PTK2: variants seen among roughly 807,000 people sequenced by gnomAD.
PTK2 encodes protein tyrosine kinase 2.
A neutral mutation model predicts 150.1 loss-of-function variants in PTK2; 45 were observed. The ratio of observed to expected loss-of-function variants is 0.30; its 90% CI spans 0.24 to 0.38. The LOEUF (loss-of-function observed/expected upper bound fraction) is 0.38, where lower values mean the gene tolerates loss of function less well. Among genes scored for constraint, PTK2 ranks in the 10% least tolerant of loss-of-function variants. PTK2 has a pLI of 1.00. For missense variants in PTK2, 919 were observed against 1,307.3 expected (o/e 0.70, Z 4.58); for synonymous variants, 432 against 449.2 (o/e 0.96, Z 0.48).
chr8:140,907,612 C>T (rs772688890), intron 2 of PTK2, among the ~76,000 whole-genome samples: 1 of 152,080 alleles, frequency 6.6e-6, no homozygotes, highest in African/African-American at 2.4e-5. Flanking sequence ...CTGCATCGAG[C>T]GAGTCTATGG....
chr8:140,934,085 C>T (rs2100172825), intron 1 of PTK2, among the ~76,000 whole-genome samples: 1 of 151,794 alleles, frequency 6.6e-6, no homozygotes, highest in Admixed American at 6.6e-5. Flanking sequence ...GAAAAAGAAA[C>T]ACAAATAAAT....
intron 5 of PTK2, among the ~76,000 whole-genome samples, chr8:140,856,357 A>G (rs887971178): frequency 7.0e-6 from 1 of 142,306 alleles, no homozygotes; most frequent in Admixed American, 7.7e-5. Context: ...AGTCATCTCA[A>G]TAATAGTAAA....
chr8:140,990,008 G>C (rs983924201), intron 1 of PTK2, among the ~76,000 whole-genome samples: 2 of 152,028 alleles, frequency 1.3e-5, no homozygotes, highest in African/African-American at 4.8e-5. Flanking sequence ...GGGTGCAGAG[G>C]GGAGACAGGT....
At chr8:140,805,056 CT>C (rs1169894353) in intron 10 of PTK2, among the ~76,000 whole-genome samples, 3 of 152,170 alleles carry the variant, frequency 2.0e-5, no homozygotes, top group Admixed American at 2.0e-4. Flanking sequence ...GTTATTCCCC[CT>C]AGTTCTGCCA....
chr8:140,734,293 G>C (rs1228698605), intron 22 of PTK2, among the ~76,000 whole-genome samples: 1 of 152,224 alleles, frequency 6.6e-6, no homozygotes, highest in Non-Finnish European at 1.5e-5. Flanking sequence ...CCATGGTATT[G>C]TTTATATAAT....
intron 1 of PTK2, among the ~76,000 whole-genome samples, chr8:140,947,585 T>G (rs2154609014): frequency 6.6e-6 from 1 of 152,264 alleles, no homozygotes; most frequent in South Asian, 2.1e-4. Flanking sequence ...GTAATGAGTT[T>G]TATTCCTGTG....
intron 26 of PTK2, among the ~76,000 whole-genome samples, chr8:140,693,564 T>TAAAAAAAAAAAAAAAAAAAAAAAA (rs377205785): frequency 1.4e-5 from 1 of 72,458 alleles, no homozygotes; most frequent in African/African-American, 6.0e-5. Context: ...TTGTCTCAAT[T>TAAAAAAAAAAAAAAAAAAAAAAAA]AAAAAAAAAA....
chr8:140,781,330 T>C (rs913460154), intron 14 of PTK2, among the ~76,000 whole-genome samples: 8 of 152,242 alleles, frequency 5.3e-5, no homozygotes, highest in Non-Finnish European at 1.2e-4. Flanking sequence ...TTATTAATTA[T>C]TGTTAATAAG....
intron 26 of PTK2, among the ~76,000 whole-genome samples, chr8:140,699,287 T>C (rs899009239): frequency 6.6e-6 from 1 of 152,146 alleles, no homozygotes; most frequent in Non-Finnish European, 1.5e-5. Flanking sequence ...CATAATACGA[T>C]TGAGGCAACT....
intron 27 of PTK2, among the ~76,000 whole-genome samples, chr8:140,683,930 C>A (rs1365306518): frequency 6.6e-6 from 1 of 152,134 alleles, no homozygotes; most frequent in Admixed American, 6.5e-5. Flanking sequence ...GCTGGAAGCA[C>A]TCCCCTGAAG....
At chr8:140,925,070 G>A (rs763676985) in intron 2 of PTK2, among the ~76,000 whole-genome samples, 7 of 151,986 alleles carry the variant, frequency 4.6e-5, no homozygotes, top group Admixed American at 2.0e-4. Context: ...GTCACCAAAA[G>A]CAGTTCACAA....
intron 1 of PTK2, among the ~76,000 whole-genome samples, chr8:140,962,206 CTG>C (rs942388060): frequency 8.1e-6 from 1 of 122,940 alleles, no homozygotes; most frequent in African/African-American, 3.0e-5. Flanking sequence ...GAGCAAGACT[CTG>C]TCTCAAAATT....
At chr8:140,763,845 G>C (rs2100070732) in intron 15 of PTK2, among the ~76,000 whole-genome samples, 1 of 152,080 alleles carries the variant, frequency 6.6e-6, no homozygotes, top group African/African-American at 2.4e-5. Context: ...GTATACGTGT[G>C]TGTATGTATG....
rs553687076 is a variant in PTK2 at position 140,674,300 on chromosome 8, T to C, written c.2707A>G (p.Lys903Glu). Residue 903 changes from lysine (K) to glutamate (E), a missense_variant and splice_region_variant, in exon 29 of 32, where the codon AAG (lysine) becomes GAG (glutamate). By Grantham distance (56) the Lys-to-Glu change is moderately conservative. This residue lies in a region of PTK2 where 258 missense variants were observed against 265.4 expected (regional missense o/e 0.97). Coordinates refer to ENST00000522684, the Ensembl canonical transcript of PTK2. ...GCTGCACAGGCTCAGATGCCCACCT[T>C]GACACCCTCGTTGTAGCTGTCAGCA... 225 of 1,602,758 alleles carry C rather than the reference T, an allele frequency of 1.4e-4. 2 individuals carry two copies. In the South Asian group the frequency reaches 2.5e-3, roughly 18 times the overall value.
chr8:140,941,636 T>C (rs1371869834), intron 1 of PTK2, among the ~76,000 whole-genome samples: 1 of 152,066 alleles, frequency 6.6e-6, no homozygotes, highest in Non-Finnish European at 1.5e-5. Context: ...ACCAAGAGTT[T>C]ATTGGGAAAA....
intron 23 of PTK2, among the ~76,000 whole-genome samples, chr8:140,717,237 A>C (rs1390620753): frequency 6.6e-6 from 1 of 152,234 alleles, no homozygotes; most frequent in Non-Finnish European, 1.5e-5. Context: ...CAAAATGCAA[A>C]GCATCTGTGA....
intron 20 of PTK2, among the ~76,000 whole-genome samples, chr8:140,742,623 C>T (rs2100056404): frequency 6.6e-6 from 1 of 152,232 alleles, no homozygotes. Context: ...ACATCTGCAT[C>T]TTCACATGCT....
intron 4 of PTK2, among the ~76,000 whole-genome samples, chr8:140,876,628 T>C (rs961463820): frequency 6.6e-6 from 1 of 152,174 alleles, no homozygotes; most frequent in Non-Finnish European, 1.5e-5. Context: ...CCTCCTCTTC[T>C]CCATTCTTTT....
chr8:140,907,591 T>C (rs999780720), intron 2 of PTK2, among the ~76,000 whole-genome samples: 1 of 152,170 alleles, frequency 6.6e-6, no homozygotes, highest in African/African-American at 2.4e-5. Context: ...AACAAAGGGT[T>C]TGTGGCAACC....
Sources: gnomAD v4.1 joint callset for allele counts (sites outside exome capture counted in the v4.1 genomes callset) on GRCh38, gnomAD v4.1.1 for gene constraint, gnomAD v4.1.1 regional missense constraint, MANE v1.5 for transcripts, NCBI Gene and HGNC (gene_info 2026-07-23, HGNC 2026-07-21) for gene names.